ANKRD11: variants seen among roughly 807,000 people sequenced by gnomAD.
The protein encoded by ANKRD11 is ankyrin repeat domain-containing protein 11.
In ANKRD11, 17 loss-of-function variants were observed where a neutral mutation model predicts 195.7. The ratio of observed to expected loss-of-function variants is 0.09; its 90% confidence interval spans 0.06 to 0.13. The LOEUF is 0.13. Ranked by LOEUF, ANKRD11 falls within the 10% of genes least tolerant of loss-of-function variation. The probability of loss-of-function intolerance (pLI) is 1.00; values close to 1 mark genes in which losing one functional copy is unlikely to be tolerated. For synonymous variants in ANKRD11, 1,953 were observed against 1,528.1 expected (o/e 1.28, Z -6.49); for missense variants, 3,735 against 3,566.1 (o/e 1.05, Z -1.21).
At chr16:89,469,879 T>A (rs1202595671) in intron 1 of ANKRD11, among the ~76,000 whole-genome samples, 1 of 146,784 alleles carries the variant, frequency 6.8e-6, no homozygotes, top group Non-Finnish European at 1.5e-5. Flanking sequence ...TGAGGCTCCG[T>A]TTCAGAAAAA....
chr16:89,457,918 G>A (rs950849993), intron 1 of ANKRD11, among the ~76,000 whole-genome samples: 3 of 152,078 alleles, frequency 2.0e-5, no homozygotes, highest in South Asian at 2.1e-4. Context: ...ATACACAATC[G>A]TCAGATTCAG....
intron 2 of ANKRD11, among the ~76,000 whole-genome samples, chr16:89,347,683 G>C (rs117659932): frequency 0.013 from 1,926 of 151,560 alleles, 13 homozygotes; most frequent in Middle Eastern, 0.031. Flanking sequence ...CTCCTTATCG[G>C]TTTTTCCTAA....
intron 2 of ANKRD11, chr16:89,323,193 G>A: frequency 1.4e-6 from 1 of 703,618 alleles, no homozygotes; most frequent in African/African-American, 1.8e-5. Flanking sequence ...CACCTCACAG[G>A]GAGAGAAGTC....
chr16:89,457,529 C>T (rs1440852803), intron 1 of ANKRD11, among the ~76,000 whole-genome samples: 2 of 144,826 alleles, frequency 1.4e-5, no homozygotes, highest in Admixed American at 7.1e-5. Flanking sequence ...ACCCGGGAGG[C>T]GGAGGCTGCA....
At chr16:89,379,792 A>G (rs2040569126) in intron 2 of ANKRD11, among the ~76,000 whole-genome samples, 1 of 152,250 alleles carries the variant, frequency 6.6e-6, no homozygotes, top group Admixed American at 6.5e-5. Flanking sequence ...AGAAGATGTC[A>G]GCTGTATTTT....
chr16:89,280,493 C>A lies in ANKRD11; in HGVS notation c.6049G>T (p.Ala2017Ser), dbSNP rs1455558820. The A allele has an allele frequency of 6.3e-7, 1 of 1,583,680 alleles. No homozygotes were observed. Among genetic ancestry groups the A allele is most frequent in the Admixed American group, 1.8e-5 (1 of 56,342 alleles). The change falls in exon 9 of 13, where the codon GCC becomes TCC. Residue 2017 changes from alanine (A) to serine (S), a missense_variant. Ala to Ser is a moderately conservative substitution (Grantham distance 99, BLOSUM62 1). Transcript: ENST00000301030. ...TACGGGGCAGGAGAGGCGGGAGGGG[C>A]GGGGTACGGCGCCTCCGAGGCGCTG... Reference protein sequence around the residue: ...PFSASEAPYPAPPASPAPYAL... With the variant: ...PFSASEAPYPSPPASPAPYAL...
At chr16:89,468,003 T>C (rs2056943094) in intron 1 of ANKRD11, among the ~76,000 whole-genome samples, 1 of 151,962 alleles carries the variant, frequency 6.6e-6, no homozygotes, top group South Asian at 2.1e-4. Context: ...GGGGTTTGGT[T>C]ATGTTGGCCA....
At chr16:89,390,422 G>T (rs1286765105) in intron 2 of ANKRD11, among the ~76,000 whole-genome samples, 1 of 152,124 alleles carries the variant, frequency 6.6e-6, no homozygotes, top group Non-Finnish European at 1.5e-5. Flanking sequence ...TGGGTGAGGT[G>T]CAGGAGCCTA....
intron 2 of ANKRD11, among the ~76,000 whole-genome samples, chr16:89,352,849 T>C (rs982775980): frequency 3.9e-5 from 6 of 152,234 alleles, no homozygotes; most frequent in Admixed American, 2.0e-4. Context: ...ACCTGCTTTG[T>C]CAGCATCTTG....
At chr16:89,347,352 G>A (rs1597731360) in intron 2 of ANKRD11, among the ~76,000 whole-genome samples, 1 of 152,304 alleles carries the variant, frequency 6.6e-6, no homozygotes, top group Non-Finnish European at 1.5e-5. Context: ...GCTCATGCCT[G>A]TAATCCCAGC....
intron 2 of ANKRD11, among the ~76,000 whole-genome samples, chr16:89,354,167 C>T (rs1397253953): frequency 6.6e-6 from 1 of 151,570 alleles, no homozygotes; most frequent in Non-Finnish European, 1.5e-5. Context: ...GGAAAGTATA[C>T]CTTTACCCAT....
At chr16:89,423,897 T>C (rs1243354345) in intron 1 of ANKRD11, among the ~76,000 whole-genome samples, 1 of 151,770 alleles carries the variant, frequency 6.6e-6, no homozygotes, top group Admixed American at 6.6e-5. Flanking sequence ...AGCCCATAAA[T>C]GGGAAGAAAG....
rs369818834 is a variant in ANKRD11, at chr16:89,290,980, C to T, written c.397+33G>A. ...GCTGCGACCAGGCAGAGCCCCTTCCCTGCGCCAGGGACCACCCACAGGCCG... is the reference window on the plus strand; with the variant it reads ...GCTGCGACCAGGCAGAGCCCCTTCCTTGCGCCAGGGACCACCCACAGGCCG... On this transcript the variant is annotated intron_variant, in intron 5 of 12. Coordinates refer to ENST00000301030, the MANE Select transcript of ANKRD11 (RefSeq NM_013275.6). 3.1e-6 allele frequency: 5 copies of T among 1,610,178 alleles called. No individual in the cohort carries two copies. In the African/African-American group the frequency reaches 6.7e-5, roughly 22 times the overall value.
chr16:89,390,997 G>A (rs913512756), intron 2 of ANKRD11, among the ~76,000 whole-genome samples: 1 of 152,140 alleles, frequency 6.6e-6, no homozygotes, highest in Non-Finnish European at 1.5e-5. Flanking sequence ...GGGAGGCCGA[G>A]GTGGGTGGAT....
chr16:89,346,726 G>C (rs1597729180), intron 2 of ANKRD11, among the ~76,000 whole-genome samples: 2 of 152,300 alleles, frequency 1.3e-5, no homozygotes, highest in East Asian at 3.9e-4. Context: ...GGGAGATCCA[G>C]GTAAAGTGGT....
rs866017686 is a variant in ANKRD11, at chr16:89,313,394, T to C, written c.87+3539A>G. 3.9e-6 allele frequency: 5 copies of C among 1,286,366 alleles called. No individual in the cohort carries two copies. The Middle Eastern group carries it at 9.6e-4, about 246-fold the overall frequency. 79.7% of individuals were successfully genotyped at this position (1,286,366 alleles called of 1,614,324 possible). A position where few individuals can be genotyped will look rare whatever the true frequency, so the allele number is the denominator to read the frequency against. ...GCAGCTCAGCGGTTCTGGGATTCCG[T>C]GGTCGGCAATGGTGAGAGACCGTCT... On this transcript the variant is annotated intron_variant, in intron 3 of 12. Coordinates refer to ENST00000301030, the MANE Select transcript of ANKRD11 (RefSeq NM_013275.6).
chr16:89,425,231 C>T (rs1390981871), intron 1 of ANKRD11, among the ~76,000 whole-genome samples: 1 of 152,080 alleles, frequency 6.6e-6, no homozygotes, highest in Non-Finnish European at 1.5e-5. Context: ...AACTGAGGCC[C>T]TAGAAGTGTG....
chr16:89,473,652 G>A (rs535414563), intron 1 of ANKRD11, among the ~76,000 whole-genome samples: 7 of 152,330 alleles, frequency 4.6e-5, no homozygotes, highest in South Asian at 2.1e-4. Flanking sequence ...ATACGTCATG[G>A]AGGAGAGAGA....
chr16:89,397,739 A>G (rs575488638), intron 2 of ANKRD11, among the ~76,000 whole-genome samples: 12 of 152,360 alleles, frequency 7.9e-5, no homozygotes, highest in Non-Finnish European at 1.2e-4. Context: ...ATGATGCAGA[A>G]GCCTCTCCTC....
Sources: allele counts gnomAD v4.1 joint callset (sites outside exome capture counted in the v4.1 genomes callset), GRCh38; gene constraint gnomAD v4.1.1; transcripts MANE v1.5; gene names NCBI Gene and HGNC (gene_info 2026-07-23, HGNC 2026-07-21).